The following NPC1 variants were observed in gnomAD, a reference collection of about 807,000 sequenced individuals.
The protein encoded by NPC1 is NPC intracellular cholesterol transporter 1.
NPC1 carries 85 observed loss-of-function variants against 140.4 expected under a neutral mutation model. The ratio of observed to expected loss-of-function variants is 0.61; its 90% confidence interval spans 0.51 to 0.72. The LOEUF (loss-of-function observed/expected upper bound fraction) is 0.72, where lower values mean the gene tolerates loss of function less well. NPC1 is among the 30% of genes least tolerant of loss of function. The pLI is 0.00. For missense variants in NPC1, 1,504 were observed against 1,623.8 expected (o/e 0.93, Z 1.27); for synonymous variants, 656 against 624.8 (o/e 1.05, Z -0.74).
At chr18:23,516,355 T>G (rs1297436166) in intron 3 of NPC1, 1 of 1,614,248 alleles carries the variant, frequency 6.2e-7, no homozygotes, top group African/African-American at 1.3e-5. Flanking sequence ...AATTTGAGAT[T>G]GAATTACCAG....
intron 9 of NPC1, among the ~76,000 whole-genome samples, chr18:23,554,150 G>A (rs1197551071): frequency 6.6e-6 from 1 of 152,138 alleles, no homozygotes; most frequent in Non-Finnish European, 1.5e-5. Flanking sequence ...TCTCATCCCT[G>A]TGATGTGCCC....
intron 17 of NPC1, 104 bp downstream of exon 17, chr18:23,540,344 T>A: frequency 3.8e-6 from 3 of 783,208 alleles, no homozygotes; most frequent in African/African-American, 1.7e-5. Context: ...CCATTTGCAG[T>A]TAGAAGCAGG....
chr18:23,558,838 CA>C (rs1336924713), intron 6 of NPC1, among the ~76,000 whole-genome samples: 6 of 152,080 alleles, frequency 3.9e-5, no homozygotes, highest in Non-Finnish European at 1.5e-5. Context: ...CGTCATTTAG[CA>C]TTAGGTATAT....
chr18:23,533,755 C>T, intron 23 of NPC1: 2 of 507,062 alleles, frequency 3.9e-6, no homozygotes, highest in Non-Finnish European at 7.1e-6. Flanking sequence ...GTCCGCCAGC[C>T]TTGGCCTCCC....
At chr18:23,583,561 G>A (rs912147838) in intron 1 of NPC1, among the ~76,000 whole-genome samples, 1 of 151,904 alleles carries the variant, frequency 6.6e-6, no homozygotes, top group Non-Finnish European at 1.5e-5. Flanking sequence ...CAGAGCTGGA[G>A]GTCAAAGGGC....
Position 23,545,127 on chromosome 18 carries a change from A to C in NPC1, c.1780T>G (p.Tyr594Asp). 1 of 1,612,560 alleles carries C rather than the reference A, an allele frequency of 6.2e-7. No individual in the cohort carries two copies. The highest frequency in any genetic ancestry group is 2.2e-5 in the East Asian group (1 of 44,874). Residue 594 changes from tyrosine (Y) to aspartate (D), a missense_variant, in exon 12 of 25, where the codon TAC (tyrosine) becomes GAC (aspartate). Transcript: ENST00000269228. ...GAAATGGTCAGATTGGGATTCTTGT[A>C]GTTTTTCACAAAATTAATAAACCTA... ...EKEFINFVKN[Y>D]KNPNLTISFT...
At chr18:23,543,600 A>C (rs1295168692) in intron 13 of NPC1, 31 bp from the exon 14 acceptor site, 1 of 1,297,540 alleles carries the variant, frequency 7.7e-7, no homozygotes, top group East Asian at 2.3e-5. Flanking sequence ...ATTATGCGAC[A>C]TTAAAATTTC....
chr18:23,529,544 A>G, downstream of NPC1: 1 of 1,322,862 alleles, frequency 7.6e-7, no homozygotes, highest in Non-Finnish European at 1.1e-6. Context: ...CCATTTTAAG[A>G]TGGAAACAAG....
At chr18:23,575,939 A>G (rs183431928) in intron 1 of NPC1, among the ~76,000 whole-genome samples, 1 of 151,646 alleles carries the variant, frequency 6.6e-6, no homozygotes, top group East Asian at 1.9e-4. Context: ...AACAACAACA[A>G]CAGGCCGGGC....
intron 4 of NPC1, among the ~76,000 whole-genome samples, chr18:23,568,158 A>G (rs1160269707): frequency 6.6e-6 from 1 of 152,138 alleles, no homozygotes; most frequent in Non-Finnish European, 1.5e-5. Context: ...AATGATTTGT[A>G]ATGACACACG....
At chr18:23,574,000 T>C (rs1469830553) in intron 1 of NPC1, among the ~76,000 whole-genome samples, 2 of 152,204 alleles carry the variant, frequency 1.3e-5, no homozygotes, top group Non-Finnish European at 1.5e-5. Context: ...CAATACATCA[T>C]GAGTAACATG....
At chr18:23,516,223 C>A in intron 3 of NPC1, 3 of 1,443,776 alleles carry the variant, frequency 2.1e-6, no homozygotes, top group South Asian at 2.3e-5. Context: ...GATCCAAAGA[C>A]GAAGTCTGTG....
intron 4 of NPC1, among the ~76,000 whole-genome samples, chr18:23,564,005 T>TTTTTTTTTG (rs1555639697): frequency 2.0e-5 from 3 of 147,928 alleles, no homozygotes; most frequent in African/African-American, 7.8e-5. Flanking sequence ...TTTTTTTTTT[T>TTTTTTTTTG]GGAGATGGAG....
downstream of NPC1, chr18:23,529,712 G>T (rs868790540): frequency 6.2e-7 from 1 of 1,611,782 alleles, no homozygotes; most frequent in Non-Finnish European, 8.5e-7. Context: ...TTGCAGTACA[G>T]GTACCTTCAA....
chr18:23,584,259 G>C (rs186864875), intron 1 of NPC1, among the ~76,000 whole-genome samples: 45 of 152,296 alleles, frequency 3.0e-4, no homozygotes, highest in Middle Eastern at 3.4e-3. Flanking sequence ...CTAGCGCTCA[G>C]ACTGAAGCTA....
chr18:23,519,413 G>T (rs751873745), downstream of NPC1, among the ~76,000 whole-genome samples: 5 of 152,106 alleles, frequency 3.3e-5, no homozygotes, highest in South Asian at 8.3e-4. Flanking sequence ...AGCTACTTGT[G>T]GGGCTAAGGC....
downstream of NPC1, chr18:23,520,149 A>G (rs2058104939): frequency 1.4e-6 from 2 of 1,407,382 alleles, no homozygotes; most frequent in African/African-American, 1.4e-5. Flanking sequence ...AATGAAAGCA[A>G]CTGGGCAAAC....
At chr18:23,542,256 CTT>C (rs10711695) in intron 14 of NPC1, among the ~76,000 whole-genome samples, 8 of 137,236 alleles carry the variant, frequency 5.8e-5, no homozygotes, top group East Asian at 2.1e-4. Context: ...AAAGTTTTTT[CTT>C]TTTTTTTTTT....
At position 23,586,473 on chromosome 18, in the gene NPC1, C is replaced by G. The variant is rs2059421394; in HGVS notation, c.-130G>C. On this transcript the variant is annotated 5_prime_UTR_variant, in exon 1 of 25. Coordinates refer to ENST00000269228, the MANE Select transcript of NPC1 (RefSeq NM_000271.5). ...GCGGAGGAGCAGGAGCAGGCGCTGA[C>G]CGCGGCAGCAGGCTGCGCGCGCCGG... The G allele has an allele frequency of 6.9e-7, 1 of 1,454,364 alleles. No homozygotes were observed. Among genetic ancestry groups the G allele is most frequent in the African/African-American group, 1.5e-5 (1 of 67,890 alleles). 90.1% of individuals were successfully genotyped at this position (1,454,364 alleles called of 1,614,324 possible). A position where few individuals can be genotyped will look rare whatever the true frequency, so the allele number is the denominator to read the frequency against.
Sources: gnomAD v4.1 joint callset for allele counts (sites outside exome capture counted in the v4.1 genomes callset) on GRCh38, gnomAD v4.1.1 for gene constraint, MANE v1.5 for transcripts, NCBI Gene and HGNC (gene_info 2026-07-23, HGNC 2026-07-21) for gene names.